RANBP17: variants seen among roughly 807,000 people sequenced by gnomAD.
The protein encoded by RANBP17 is ran-binding protein 17.
A neutral mutation model predicts 141.2 loss-of-function variants in RANBP17; 158 were observed. The ratio of observed to expected loss-of-function variants is 1.12; its 90% CI spans 0.98 to 1.28. The LOEUF is 1.28. Ranked by LOEUF, RANBP17 falls within the 50% of genes most tolerant of loss-of-function variation. The pLI is 0.00. For missense variants in RANBP17, 1,438 were observed against 1,290.7 expected (o/e 1.11, Z -1.75); for synonymous variants, 430 against 450.0 (o/e 0.96, Z 0.56).
At chr5:171,164,146 T>C (rs953520426) in intron 14 of RANBP17, among the ~76,000 whole-genome samples, 3 of 152,166 alleles carry the variant, frequency 2.0e-5, no homozygotes, top group Admixed American at 6.5e-5. Context: ...AGGACTGTTA[T>C]TGAATTTCTG....
At chr5:171,205,924 C>T (rs770549572) in intron 20 of RANBP17, 19 of 416,096 alleles carry the variant, frequency 4.6e-5, no homozygotes, top group African/African-American at 1.0e-4. Context: ...ATCAATGAAT[C>T]CTACCATTTG....
Position 170,916,523 on chromosome 5 carries a change from A to G in RANBP17, c.893A>G (p.Glu298Gly). 6.3e-7 allele frequency: 1 copy of G among 1,591,630 alleles called. No homozygotes were observed. Among genetic ancestry groups the G allele is most frequent in the African/African-American group, 1.3e-5 (1 of 74,464 alleles). The change falls in exon 9 of 28, where the codon GAA becomes GGA. Residue 298 changes from glutamate to glycine, a missense_variant. Glu to Gly is a moderately conservative substitution (Grantham distance 98). Coordinates refer to ENST00000523189, the MANE Select transcript of RANBP17 (RefSeq NM_022897.5). ...AGAAGGTCCTTATTTAACAGTCCTGAACGTGCCAAGTACCTTGGTAATTTA... is the reference window on the plus strand; with the variant it reads ...AGAAGGTCCTTATTTAACAGTCCTGGACGTGCCAAGTACCTTGGTAATTTA... ...STRRSLFNSP[E>G]RAKYLGNLIK...
chr5:171,219,527 C>A (rs190759704), intron 21 of RANBP17, among the ~76,000 whole-genome samples: 14 of 152,264 alleles, frequency 9.2e-5, no homozygotes, highest in African/African-American at 3.4e-4. Flanking sequence ...TCAGGTACAG[C>A]AGTCAATGGC....
chr5:171,019,160 A>G (rs144936440), intron 14 of RANBP17, among the ~76,000 whole-genome samples: 246 of 152,326 alleles, frequency 1.6e-3, no homozygotes, highest in African/African-American at 5.3e-3. Flanking sequence ...TCAGTTTGCC[A>G]GTAATTAATT....
chr5:171,118,758 T>G lies in RANBP17; in HGVS notation c.1711-51372T>G, dbSNP rs182767419. 3.9e-5 allele frequency among the ~76,000 whole-genome samples: 6 copies of G among 152,338 alleles called. No homozygotes were observed. The East Asian group carries it at 1.2e-3, about 29-fold the overall frequency. ...ATTGTGTATAGAAATGCTACTGATTTTTGTATGTTGAGGGTGTATCCTGCA... is the reference window on the plus strand; with the variant it reads ...ATTGTGTATAGAAATGCTACTGATTGTTGTATGTTGAGGGTGTATCCTGCA... On this transcript the variant is annotated intron_variant, in intron 14 of 27. Transcript: ENST00000523189.
intron 14 of RANBP17, among the ~76,000 whole-genome samples, chr5:171,056,250 T>C (rs1192390034): frequency 6.6e-6 from 1 of 152,178 alleles, no homozygotes; most frequent in Non-Finnish European, 1.5e-5. Context: ...TTTTCCTGTA[T>C]TCTAATGCCA....
intron 14 of RANBP17, among the ~76,000 whole-genome samples, chr5:171,129,795 C>T (rs1336328294): frequency 2.0e-5 from 3 of 152,180 alleles, no homozygotes; most frequent in Non-Finnish European, 4.4e-5. Flanking sequence ...GACCCAGGTC[C>T]AGTTCCACCC....
intron 25 of RANBP17, among the ~76,000 whole-genome samples, chr5:171,291,522 G>C (rs1422590137): frequency 6.6e-6 from 1 of 152,120 alleles, no homozygotes; most frequent in East Asian, 1.9e-4. Context: ...CCGTGGGCCG[G>C]GTGGTGCAGA....
intron 15 of RANBP17, among the ~76,000 whole-genome samples, chr5:171,170,659 T>A (rs1581784062): frequency 6.6e-6 from 1 of 152,142 alleles, no homozygotes; most frequent in East Asian, 1.9e-4. Context: ...ATATTGGACT[T>A]ATAACATTAG....
chr5:171,202,725 A>G (rs1290457831), intron 19 of RANBP17, among the ~76,000 whole-genome samples: 1 of 152,168 alleles, frequency 6.6e-6, no homozygotes, highest in Non-Finnish European at 1.5e-5. Flanking sequence ...TTTTGTTGGA[A>G]CTATTTAGAG....
intron 14 of RANBP17, among the ~76,000 whole-genome samples, chr5:171,111,440 T>C (rs779756100): frequency 6.6e-6 from 1 of 152,200 alleles, no homozygotes; most frequent in African/African-American, 2.4e-5. Context: ...TTCAGACCTT[T>C]ATTTCCCATC....
Position 171,298,836 on chromosome 5 carries a change from G to A in RANBP17, c.3245G>A (p.Cys1082Tyr), listed in dbSNP as rs1768985299. ...CGCAGTGATGGCAACACTGAACCAT[G>A]CAGTCTCGACATGATGAGCTGACCC... is the stretch of plus-strand genomic sequence containing the variant. Reference protein sequence around the residue: ...ALRSDGNTEPCSLDMMS With the variant: ...ALRSDGNTEPYSLDMMS Residue 1082 changes from cysteine (C) to tyrosine (Y), a missense_variant, in exon 28 of 28, where the codon TGC (cysteine) becomes TAC (tyrosine). By Grantham distance (194) the Cys-to-Tyr change is radical (BLOSUM62 -2). Coordinates refer to ENST00000523189, the MANE Select transcript of RANBP17 (RefSeq NM_022897.5). 6.2e-7 allele frequency: 1 copy of A among 1,614,090 alleles called. No individual in the cohort carries two copies. Among genetic ancestry groups the A allele is most frequent in the Non-Finnish European group, 8.5e-7 (1 of 1,179,940 alleles).
At chr5:170,926,410 T>C (rs1772923761) in intron 12 of RANBP17, among the ~76,000 whole-genome samples, 1 of 152,160 alleles carries the variant, frequency 6.6e-6, no homozygotes, top group Admixed American at 6.6e-5. Flanking sequence ...TTAATAAGTT[T>C]AGTATTATTT....
At chr5:170,978,820 T>G (rs1330511244) in intron 14 of RANBP17, among the ~76,000 whole-genome samples, 6 of 152,058 alleles carry the variant, frequency 3.9e-5, no homozygotes, top group Admixed American at 1.3e-4. Flanking sequence ...TGAGCTCATA[T>G]TATGATTTGT....
At chr5:171,090,957 C>T (rs1432746706) in intron 14 of RANBP17, among the ~76,000 whole-genome samples, 2 of 152,218 alleles carry the variant, frequency 1.3e-5, no homozygotes, top group Non-Finnish European at 2.9e-5. Flanking sequence ...TCATGGAGAA[C>T]CTCTGCTAGG....
At chr5:170,912,351 T>A (rs751758940) in intron 7 of RANBP17, among the ~76,000 whole-genome samples, 1 of 151,996 alleles carries the variant, frequency 6.6e-6, no homozygotes, top group South Asian at 2.1e-4. Flanking sequence ...TTGCAAGAAA[T>A]TACCATTGTA....
At chr5:170,894,437 A>G (rs1769924204) in intron 4 of RANBP17, among the ~76,000 whole-genome samples, 1 of 149,520 alleles carries the variant, frequency 6.7e-6, no homozygotes, top group Non-Finnish European at 1.5e-5. Context: ...TTTTAGCTTG[A>G]AAGTTTATTA....
At chr5:171,108,993 G>A (rs1386803535) in intron 14 of RANBP17, among the ~76,000 whole-genome samples, 1 of 152,056 alleles carries the variant, frequency 6.6e-6, no homozygotes, top group Non-Finnish European at 1.5e-5. Context: ...AACTACTGAA[G>A]CTGATCACAC....
At chr5:171,144,081 G>A (rs912793277) in intron 14 of RANBP17, among the ~76,000 whole-genome samples, 2 of 152,164 alleles carry the variant, frequency 1.3e-5, no homozygotes, top group Non-Finnish European at 2.9e-5. Context: ...ATAGGCTGCC[G>A]TCTGGGCGTG....
Sources: gnomAD v4.1 joint callset for allele counts (sites outside exome capture counted in the v4.1 genomes callset) on GRCh38, gnomAD v4.1.1 for gene constraint, MANE v1.5 for transcripts, NCBI Gene and HGNC (gene_info 2026-07-23, HGNC 2026-07-21) for gene names.